Variants in PCDHA9 observed in about 807,000 individuals in gnomAD.
PCDHA9 encodes the protein protocadherin alpha 9, also known as protocadherin alpha-9.
PCDHA9 carries 62 observed loss-of-function variants against 62.0 expected under a neutral mutation model. That is an observed-to-expected ratio of 1.00 (90% CI 0.81 to 1.23). The LOEUF (loss-of-function observed/expected upper bound fraction) is 1.23, where lower values mean the gene tolerates loss of function less well. Ranked by LOEUF, PCDHA9 falls within the 50% of genes most tolerant of loss-of-function variation. PCDHA9 has a pLI of 0.00. For synonymous variants in PCDHA9, 557 were observed against 567.6 expected, an observed-to-expected ratio of 0.98 and a Z score of 0.27; for missense variants, 1,205 against 1,249.8, an observed-to-expected ratio of 0.96 and a Z score of 0.54.
rs544683188 is a variant in PCDHA9 at position 140,871,907 on chromosome 5, C to G, written c.2394+21018C>G. ...TCTTTGTCTTTTAGCAGAGTTTTGC[C>G]TTGATATTTCCACATTGTTAGATCA... On this transcript the variant is annotated intron_variant, in intron 1 of 3. Coordinates refer to ENST00000532602, the MANE Select transcript of PCDHA9 (RefSeq NM_031857.2). Among the ~76,000 whole-genome samples the G allele has an allele frequency of 3.9e-5, 6 of 152,316 alleles. No homozygotes were observed. In the South Asian group the frequency reaches 1.2e-3, roughly 32 times the overall value.
At chr5:140,974,879 A>G (rs1259634156) in intron 1 of PCDHA9, among the ~76,000 whole-genome samples, 1 of 152,212 alleles carries the variant, frequency 6.6e-6, no homozygotes, top group Non-Finnish European at 1.5e-5. Flanking sequence ...CAGTCTATGT[A>G]TCCCTTTTCT....
At chr5:140,863,431 T>C (rs782746420) in intron 1 of PCDHA9, 12 of 648,614 alleles carry the variant, frequency 1.9e-5, no homozygotes, top group South Asian at 1.5e-4. Context: ...CGTAGTGGGA[T>C]CTGGTCTTAC....
At chr5:141,003,988 C>T (rs1554259401) in intron 3 of PCDHA9, among the ~76,000 whole-genome samples, 1 of 152,120 alleles carries the variant, frequency 6.6e-6, no homozygotes, top group African/African-American at 2.4e-5. Context: ...TGCCGGAGAT[C>T]CTAGAAGGGA....
At chr5:140,962,076 G>A (rs2095654806) in intron 1 of PCDHA9, among the ~76,000 whole-genome samples, 1 of 151,758 alleles carries the variant, frequency 6.6e-6, no homozygotes. Flanking sequence ...TAGTAGAGAC[G>A]GGGTTTCACC....
At chr5:140,969,363 C>G (rs367871893) in intron 1 of PCDHA9, 4 of 1,610,614 alleles carry the variant, frequency 2.5e-6, no homozygotes, top group East Asian at 4.5e-5. Flanking sequence ...CTTCTACAAA[C>G]TCATGCATTT....
In PCDHA9 at chr5:140,850,732, G is replaced by C. The variant is rs1320738084; in HGVS notation, c.2237G>C (p.Gly746Ala). ...KPTLVCSSAV[G>A]SWSYSQQRRQ... is the part of the protein sequence containing the mutation. Reference sequence around the variant, plus strand: ...ACGCTGGTGTGTTCTAGCGCGGTGGGGAGTTGGTCGTACTCGCAGCAGAGG... The same window carrying C: ...ACGCTGGTGTGTTCTAGCGCGGTGGCGAGTTGGTCGTACTCGCAGCAGAGG... Residue 746 changes from glycine to alanine, a missense_variant, in exon 1 of 4, where the codon GGG becomes GCG. Coordinates refer to ENST00000532602, the MANE Select transcript of PCDHA9 (RefSeq NM_031857.2). The C allele has an allele frequency of 6.3e-7, 1 of 1,597,956 alleles. No individual in the cohort carries two copies. Among genetic ancestry groups the C allele is most frequent in the Non-Finnish European group, 8.6e-7 (1 of 1,167,610 alleles).
chr5:140,912,318 C>T (rs1554195270), intron 1 of PCDHA9, among the ~76,000 whole-genome samples: 2 of 151,536 alleles, frequency 1.3e-5, no homozygotes, highest in East Asian at 1.9e-4. Context: ...CAAGTTGACC[C>T]TCAGTATTAA....
At chr5:140,936,043 C>A (rs1246569956) in intron 1 of PCDHA9, among the ~76,000 whole-genome samples, 1 of 152,038 alleles carries the variant, frequency 6.6e-6, no homozygotes, top group Non-Finnish European at 1.5e-5. Context: ...CAGGCACCCA[C>A]CACCACACCC....
At position 140,856,129 on chromosome 5, in the gene PCDHA9, C is replaced by A. The variant is rs149039484; in HGVS notation, c.2394+5240C>A. Reference sequence around the variant, plus strand: ...TCCTCGCAGCCTGGGAGGTGGGGAGCGGCCAGCTCCACTACTCAGTCTACG... The same window carrying A: ...TCCTCGCAGCCTGGGAGGTGGGGAGAGGCCAGCTCCACTACTCAGTCTACG... On this transcript the variant is annotated intron_variant, in intron 1 of 3. Coordinates refer to ENST00000532602, the MANE Select transcript of PCDHA9 (RefSeq NM_031857.2). 3,312 of 1,598,096 alleles carry A rather than the reference C, an allele frequency of 2.1e-3. 297 individuals are homozygous for A. Among genetic ancestry groups the A allele is most frequent in the Non-Finnish European group, 2.6e-3 (3,056 of 1,167,792 alleles).
chr5:140,905,664 T>A (rs1456741391), intron 1 of PCDHA9, among the ~76,000 whole-genome samples: 1 of 152,246 alleles, frequency 6.6e-6, no homozygotes, highest in African/African-American at 2.4e-5. Flanking sequence ...CTGTCATCCA[T>A]TAACATGGAA....
At chr5:141,007,977 T>A (rs564286183) in intron 3 of PCDHA9, among the ~76,000 whole-genome samples, 20 of 152,362 alleles carry the variant, frequency 1.3e-4, no homozygotes, top group African/African-American at 4.8e-4. Flanking sequence ...GTCTGTCATG[T>A]ATATATGAAA....
At chr5:140,883,208 A>C in intron 1 of PCDHA9, 3 of 1,614,034 alleles carry the variant, frequency 1.9e-6, no homozygotes, top group Non-Finnish European at 1.7e-6. Context: ...CGAAGAAAAG[A>C]AATTATATGA....
At chr5:140,910,485 A>G (rs1251216481) in intron 1 of PCDHA9, among the ~76,000 whole-genome samples, 1 of 152,206 alleles carries the variant, frequency 6.6e-6, no homozygotes. Flanking sequence ...TGGCATACAG[A>G]GAAGAGCAAT....
intron 3 of PCDHA9, among the ~76,000 whole-genome samples, chr5:140,986,642 T>C (rs1213431039): frequency 6.6e-6 from 1 of 152,174 alleles, no homozygotes; most frequent in Non-Finnish European, 1.5e-5. Flanking sequence ...ACATTAGTTT[T>C]AGAGTGGGAG....
At chr5:140,986,852 A>G (rs889945842) in intron 3 of PCDHA9, among the ~76,000 whole-genome samples, 1 of 152,190 alleles carries the variant, frequency 6.6e-6, no homozygotes, top group Admixed American at 6.5e-5. Flanking sequence ...CAGCAACACC[A>G]ACAATACCCG....
chr5:140,856,423 T>G (rs1266159746), intron 1 of PCDHA9: 1 of 1,598,178 alleles, frequency 6.3e-7, no homozygotes, highest in East Asian at 2.2e-5. Context: ...TGAAGGACAT[T>G]AACGACAACC....
chr5:140,978,920 A>G, intron 1 of PCDHA9, 29 bp from the exon 2 acceptor site: 1 of 1,614,014 alleles, frequency 6.2e-7, no homozygotes, highest in Non-Finnish European at 8.5e-7. Context: ...TTGTCATTTT[A>G]ACAGAAAACT....
At chr5:141,006,612 AAGG>A (rs2098279964) in intron 3 of PCDHA9, among the ~76,000 whole-genome samples, 1 of 152,204 alleles carries the variant, frequency 6.6e-6, no homozygotes, top group African/African-American at 2.4e-5. Flanking sequence ...CAGACTGAAT[AAGG>A]AGACTATTGC....
chr5:141,010,233 G>C lies in PCDHA9; in HGVS notation c.*296G>C, dbSNP rs1156230400. ...AAGGAGAGGCTTCCCAGCCCCGCCA[G>C]TGAGAGGTTGGACTCTCTGCCCTGT... On this transcript the variant is annotated 3_prime_UTR_variant, in exon 4 of 4. Transcript: ENST00000532602. 1.9e-6 allele frequency: 3 copies of C among 1,551,812 alleles called. No homozygotes were observed. The highest frequency in any genetic ancestry group is 2.6e-6 in the Non-Finnish European group (3 of 1,147,042).
Sources: allele counts gnomAD v4.1 joint callset (sites outside exome capture counted in the v4.1 genomes callset), GRCh38; gene constraint gnomAD v4.1.1; transcripts MANE v1.5; gene names NCBI Gene and HGNC (gene_info 2026-07-23, HGNC 2026-07-21).